The following EIPR1 variants were observed in gnomAD, a reference collection of about 807,000 sequenced individuals.
The protein encoded by EIPR1 is EARP complex and GARP complex interacting protein 1, also known as EARP and GARP complex-interacting protein 1.
In EIPR1, 25 loss-of-function variants were observed where a neutral mutation model predicts 48.1. The ratio of observed to expected loss-of-function variants is 0.52; its 90% CI spans 0.38 to 0.73. The LOEUF is 0.73. EIPR1 is among the 30% of genes least tolerant of loss of function. EIPR1 has a pLI of 0.00. For missense variants in EIPR1, 415 were observed against 506.2 expected (o/e 0.82, Z 1.73); for synonymous variants, 204 against 201.9 (o/e 1.01, Z -0.09).
intron 3 of EIPR1, among the ~76,000 whole-genome samples, chr2:3,336,835 AGGGAAAGGAAGG>A (rs1309183285): frequency 2.1e-5 from 3 of 145,590 alleles, no homozygotes; most frequent in Non-Finnish European, 4.5e-5. Flanking sequence ...AGGGAAGGGA[AGGGAAAGGAAGG>A]GAAAAGGGAA....
intron 3 of EIPR1, among the ~76,000 whole-genome samples, chr2:3,282,226 C>A (rs372056376): frequency 6.6e-6 from 1 of 152,374 alleles, no homozygotes; most frequent in East Asian, 1.9e-4. Context: ...GGGCCACCGT[C>A]AGGTGGGGGC....
intron 3 of EIPR1, among the ~76,000 whole-genome samples, chr2:3,262,635 T>C (rs1466740708): frequency 1.3e-5 from 2 of 152,190 alleles, no homozygotes; most frequent in African/African-American, 4.8e-5. Flanking sequence ...GTGTGGAAGT[T>C]GTCAGTGGTA....
intron 3 of EIPR1, among the ~76,000 whole-genome samples, chr2:3,287,085 T>C (rs1374394371): frequency 2.1e-5 from 3 of 145,552 alleles, no homozygotes; most frequent in Admixed American, 6.9e-5. Context: ...GCAGAGGGGG[T>C]GGTGGGGAGC....
intron 6 of EIPR1, among the ~76,000 whole-genome samples, chr2:3,196,498 G>A (rs1485314653): frequency 1.3e-5 from 2 of 152,084 alleles, no homozygotes; most frequent in African/African-American, 2.4e-5. Flanking sequence ...GGTCAAGGAC[G>A]ACCCCAGGAG....
intron 3 of EIPR1, among the ~76,000 whole-genome samples, chr2:3,264,726 G>A (rs539247326): frequency 2.0e-5 from 3 of 152,104 alleles, no homozygotes; most frequent in Non-Finnish European, 4.4e-5. Context: ...ACCGAGTCTC[G>A]CTCTGTCACC....
At chr2:3,237,221 TACACACACACACACACACACACACAC>T (rs35498711) in intron 4 of EIPR1, among the ~76,000 whole-genome samples, 46 of 127,750 alleles carry the variant, frequency 3.6e-4, no homozygotes, top group South Asian at 5.9e-4. Context: ...TTTTGAAAAC[TACACACACACACACACACACACACAC>T]ACACACACAC....
chr2:3,288,416 A>C (rs924289748), intron 3 of EIPR1, among the ~76,000 whole-genome samples: 26 of 152,364 alleles, frequency 1.7e-4, no homozygotes, highest in Non-Finnish European at 2.9e-4. Context: ...ACCACGTTAC[A>C]GCTGAACATG....
chr2:3,228,646 C>T (rs953310582), intron 4 of EIPR1, among the ~76,000 whole-genome samples: 1 of 152,198 alleles, frequency 6.6e-6, no homozygotes, highest in Admixed American at 6.5e-5. Flanking sequence ...ACCCAAATTT[C>T]ATCCTGGATT....
chr2:3,288,992 T>A (rs1668289560), intron 3 of EIPR1, among the ~76,000 whole-genome samples: 2 of 152,204 alleles, frequency 1.3e-5, no homozygotes, highest in South Asian at 4.1e-4. Context: ...TGCACGGCCG[T>A]ATCTCCCGCA....
intron 5 of EIPR1, chr2:3,208,257 T>C (rs1189993464): frequency 2.3e-6 from 1 of 436,144 alleles, no homozygotes; most frequent in Non-Finnish European, 4.0e-6. Context: ...TCATTCAAGA[T>C]ACTCAAATAA....
intron 4 of EIPR1, among the ~76,000 whole-genome samples, chr2:3,241,561 C>T (rs879675653): frequency 7.2e-5 from 11 of 152,290 alleles, no homozygotes; most frequent in African/African-American, 2.4e-4. Context: ...CAAACTAAGA[C>T]GTTTATTTCT....
intron 3 of EIPR1, among the ~76,000 whole-genome samples, chr2:3,332,285 A>G (rs1188799745): frequency 6.6e-5 from 10 of 152,260 alleles, no homozygotes; most frequent in Non-Finnish European, 5.9e-5. Context: ...CGGAAAGGTC[A>G]AGGCCTGCTG....
intron 3 of EIPR1, among the ~76,000 whole-genome samples, chr2:3,304,836 G>GTCCCGTCCAGTTCAGCCCTCCAC (rs1668873357): frequency 6.4e-5 from 3 of 46,944 alleles, no homozygotes; most frequent in African/African-American, 1.8e-4. Flanking sequence ...CAGCCCTCCA[G>GTCCCGTCCAGTTCAGCCCTCCAC]TCCCGTCCAG....
chr2:3,318,133 C>T (rs920615151), intron 3 of EIPR1, among the ~76,000 whole-genome samples: 5 of 152,250 alleles, frequency 3.3e-5, no homozygotes, highest in Non-Finnish European at 5.9e-5. Context: ...GCTGCCATGT[C>T]GAAACGGCTG....
intron 3 of EIPR1, among the ~76,000 whole-genome samples, chr2:3,274,621 G>A (rs1346568894): frequency 1.3e-5 from 2 of 151,336 alleles, no homozygotes; most frequent in Non-Finnish European, 2.9e-5. Context: ...CCAGAAGAAA[G>A]GTCTCAAATT....
chr2:3,264,530 G>A (rs1667429184), intron 3 of EIPR1, among the ~76,000 whole-genome samples: 1 of 152,202 alleles, frequency 6.6e-6, no homozygotes, highest in Non-Finnish European at 1.5e-5. Flanking sequence ...GTCAAAGGCA[G>A]GGGCCAGAGG....
At chr2:3,228,580 G>C (rs1666137748) in intron 4 of EIPR1, among the ~76,000 whole-genome samples, 1 of 152,182 alleles carries the variant, frequency 6.6e-6, no homozygotes, top group African/African-American at 2.4e-5. Context: ...TGAAATGTGA[G>C]GACGTAAGAT....
intron 3 of EIPR1, among the ~76,000 whole-genome samples, chr2:3,304,360 C>T (rs1482163890): frequency 6.6e-6 from 1 of 152,192 alleles, no homozygotes; most frequent in Non-Finnish European, 1.5e-5. Context: ...ATCCAGCAAC[C>T]AAGACTATGT....
At chr2:3,273,376 C>T (rs775598563) in intron 3 of EIPR1, among the ~76,000 whole-genome samples, 22 of 152,216 alleles carry the variant, frequency 1.4e-4, no homozygotes, top group Middle Eastern at 6.8e-3. Context: ...ACAGATAGAA[C>T]GGGAAAGTAA....
Sources: gnomAD v4.1 joint callset for allele counts (sites outside exome capture counted in the v4.1 genomes callset) on GRCh38, gnomAD v4.1.1 for gene constraint, MANE v1.5 for transcripts, NCBI Gene and HGNC (gene_info 2026-07-23, HGNC 2026-07-21) for gene names.